Variants in LEPR observed in about 807,000 individuals in gnomAD.
The protein encoded by LEPR is OB receptor.
LEPR carries 56 observed loss-of-function variants against 114.7 expected under a neutral mutation model. The observed-to-expected ratio is 0.49, with a 90% CI of 0.39 to 0.61. LEPR has a LOEUF of 0.61. Among genes scored for constraint, LEPR ranks in the 20% least tolerant of loss-of-function variants. LEPR has a pLI of 0.00. For synonymous variants in LEPR, 443 were observed against 461.4 expected, an observed-to-expected ratio of 0.96 and a Z score of 0.51; for missense variants, 1,202 against 1,352.9, an observed-to-expected ratio of 0.89 and a Z score of 1.75.
At position 65,616,143 on chromosome 1, in the gene LEPR, A is replaced by G. The variant is rs1389753536; in HGVS notation, c.2131A>G (p.Thr711Ala). 1.9e-6 allele frequency: 3 copies of G among 1,614,076 alleles called. No individual in the cohort carries two copies. The highest frequency in any genetic ancestry group is 2.5e-6 in the Non-Finnish European group (3 of 1,180,020). Reference sequence around the variant, plus strand: ...TTTCCTGTGGACAGAGCAAGCACATACTGTTACGGTTCTGGCCATCAATTC... The same window carrying G: ...TTTCCTGTGGACAGAGCAAGCACATGCTGTTACGGTTCTGGCCATCAATTC... ...FTFLWTEQAH[T>A]VTVLAINSIG... is the part of the protein sequence containing the mutation. Residue 711 changes from threonine (T) to alanine (A), a missense_variant, in exon 15 of 20, where the codon ACT becomes GCT. By Grantham distance (58) the Thr-to-Ala change is moderately conservative. Coordinates refer to ENST00000349533, the MANE Select transcript of LEPR (RefSeq NM_002303.6).
At chr1:65,453,053 T>C (rs1186952661) in intron 2 of LEPR, among the ~76,000 whole-genome samples, 2 of 152,238 alleles carry the variant, frequency 1.3e-5, no homozygotes, top group African/African-American at 4.8e-5. Context: ...CTAGATTTTC[T>C]AGTTTATTTG....
intron 2 of LEPR, among the ~76,000 whole-genome samples, chr1:65,489,312 A>G (rs1647743405): frequency 6.6e-6 from 1 of 152,138 alleles, no homozygotes; most frequent in African/African-American, 2.4e-5. Context: ...AACCTTTTTA[A>G]CTACAGTGGA....
chr1:65,541,090 T>G (rs1007305460), intron 2 of LEPR, among the ~76,000 whole-genome samples: 2 of 152,206 alleles, frequency 1.3e-5, no homozygotes, highest in African/African-American at 4.8e-5. Context: ...TCCAGAGTGC[T>G]GGGATTACAA....
chr1:65,578,659 C>T (rs1432745423), intron 5 of LEPR, among the ~76,000 whole-genome samples: 2 of 152,180 alleles, frequency 1.3e-5, no homozygotes. Context: ...TCCTCACATT[C>T]AATCACTGTT....
intron 2 of LEPR, among the ~76,000 whole-genome samples, chr1:65,511,958 G>T (rs973346117): frequency 1.3e-5 from 2 of 152,172 alleles, no homozygotes; most frequent in African/African-American, 2.4e-5. Flanking sequence ...TTGACTCATG[G>T]TTCTGCAGAC....
chr1:65,518,941 C>A (rs11809714), intron 2 of LEPR, among the ~76,000 whole-genome samples: 1 of 135,978 alleles, frequency 7.4e-6, no homozygotes, highest in African/African-American at 2.8e-5. Context: ...TTCTTTCTTT[C>A]TCTTTCTTCT....
At chr1:65,479,340 A>G (rs1647192608) in intron 2 of LEPR, among the ~76,000 whole-genome samples, 1 of 152,170 alleles carries the variant, frequency 6.6e-6, no homozygotes, top group Admixed American at 6.5e-5. Context: ...ATCTAGGCAT[A>G]GTTCTAAGTA....
intron 2 of LEPR, among the ~76,000 whole-genome samples, chr1:65,436,704 T>G (rs1236240477): frequency 2.7e-5 from 4 of 148,472 alleles, no homozygotes; most frequent in African/African-American, 7.3e-5. Context: ...ACTTGGAGAC[T>G]GCACAATCTC....
chr1:65,425,473 T>C, intron 2 of LEPR, 95 bp downstream of exon 2: 1 of 1,057,498 alleles, frequency 9.5e-7, no homozygotes, highest in Non-Finnish European at 1.4e-6. Context: ...AGCACCAAGT[T>C]CTAACCAGTG....
At chr1:65,422,143 T>C (rs1401284512) in intron 1 of LEPR, among the ~76,000 whole-genome samples, 1 of 152,176 alleles carries the variant, frequency 6.6e-6, no homozygotes, top group Non-Finnish European at 1.5e-5. Context: ...GTGATCTTAT[T>C]TGGAAGTAGT....
intron 10 of LEPR, among the ~76,000 whole-genome samples, chr1:65,603,034 G>T (rs1347162964): frequency 1.3e-5 from 2 of 152,066 alleles, no homozygotes; most frequent in East Asian, 3.9e-4. Flanking sequence ...AACATTTACA[G>T]AATAACTATG....
At chr1:65,531,910 T>G (rs1392879701) in intron 2 of LEPR, among the ~76,000 whole-genome samples, 1 of 152,094 alleles carries the variant, frequency 6.6e-6, no homozygotes, top group Non-Finnish European at 1.5e-5. Flanking sequence ...AATAGACAAA[T>G]TACGGGCTAG....
intron 10 of LEPR, among the ~76,000 whole-genome samples, chr1:65,603,355 A>G (rs958124714): frequency 1.3e-5 from 2 of 151,650 alleles, no homozygotes; most frequent in Non-Finnish European, 2.9e-5. Flanking sequence ...ATTTATTCAC[A>G]CACACACACA....
intron 2 of LEPR, chr1:65,433,263 GTGGGTGAACTGCT>G: frequency 1.0e-6 from 1 of 985,390 alleles, no homozygotes; most frequent in East Asian, 1.1e-4. Context: ...TAAGCACGCA[GTGGGTGAACTGCT>G]TAATTTCACT....
At chr1:65,471,880 C>T (rs996298538) in intron 2 of LEPR, among the ~76,000 whole-genome samples, 3 of 152,008 alleles carry the variant, frequency 2.0e-5, no homozygotes, top group Admixed American at 1.3e-4. Flanking sequence ...CATAACATCC[C>T]GTGATATTAG....
intron 2 of LEPR, among the ~76,000 whole-genome samples, chr1:65,489,042 C>G (rs1647727387): frequency 1.3e-5 from 2 of 152,120 alleles, no homozygotes; most frequent in South Asian, 4.1e-4. Context: ...TAGGTTGATA[C>G]CAAATCTTGG....
At chr1:65,502,966 AG>A (rs1362897617) in intron 2 of LEPR, among the ~76,000 whole-genome samples, 4 of 151,576 alleles carry the variant, frequency 2.6e-5, no homozygotes, top group African/African-American at 9.7e-5. Flanking sequence ...AAGGGTGAGC[AG>A]GCAAAATGGG....
intron 2 of LEPR, among the ~76,000 whole-genome samples, chr1:65,508,034 GTTAT>G (rs1648844740): frequency 6.6e-6 from 1 of 152,074 alleles, no homozygotes; most frequent in Non-Finnish European, 1.5e-5. Context: ...TTTTCATTGG[GTTAT>G]TTGTTTTCTT....
chr1:65,542,121 C>T (rs1244967957), intron 2 of LEPR, among the ~76,000 whole-genome samples: 1 of 152,098 alleles, frequency 6.6e-6, no homozygotes, highest in Non-Finnish European at 1.5e-5. Flanking sequence ...AATATGCTTA[C>T]TGTGCTGGGC....
Sources: allele counts gnomAD v4.1 joint callset (sites outside exome capture counted in the v4.1 genomes callset), GRCh38; gene constraint gnomAD v4.1.1; transcripts MANE v1.5; gene names NCBI Gene and HGNC (gene_info 2026-07-23, HGNC 2026-07-21).